The following DNAH8 variants were observed in gnomAD, a reference collection of about 807,000 sequenced individuals.
DNAH8 encodes axonemal beta dynein heavy chain 8.
In DNAH8, 382 loss-of-function variants were observed where a neutral mutation model predicts 562.1. The ratio of observed to expected loss-of-function variants is 0.68; its 90% CI spans 0.63 to 0.74. The LOEUF is 0.74. Ranked by LOEUF, DNAH8 falls within the 30% of genes least tolerant of loss-of-function variation. The pLI is 0.00. For synonymous variants in DNAH8, 1,881 were observed against 1,919.4 expected (o/e 0.98, Z 0.52); for missense variants, 5,203 against 5,620.4 (o/e 0.93, Z 2.37).
chr6:38,729,492 A>G (rs1433971481), intron 3 of DNAH8, among the ~76,000 whole-genome samples: 1 of 152,234 alleles, frequency 6.6e-6, no homozygotes, highest in African/African-American at 2.4e-5. Flanking sequence ...TCAAATTACA[A>G]TAGCTAAAAA....
chr6:38,888,461 G>C (rs887445925), intron 57 of DNAH8, among the ~76,000 whole-genome samples: 2 of 151,958 alleles, frequency 1.3e-5, no homozygotes, highest in Admixed American at 1.3e-4. Flanking sequence ...GCCTCAAAGT[G>C]GAAGAAAAAA....
At chr6:38,967,901 A>G (rs1287254823) in intron 82 of DNAH8, among the ~76,000 whole-genome samples, 2 of 152,320 alleles carry the variant, frequency 1.3e-5, no homozygotes, top group South Asian at 2.1e-4. Context: ...AGTAATTAAA[A>G]CAGTGTGATA....
Position 38,778,124 on chromosome 6 carries a change from T to C in DNAH8, c.1963-264T>C, listed in dbSNP as rs1768242578. Among the ~76,000 whole-genome samples the C allele has an allele frequency of 2.0e-5, 3 of 152,244 alleles. 1 individual carries two copies. The South Asian group carries it at 6.2e-4, about 32-fold the overall frequency. On this transcript the variant is annotated intron_variant, in intron 13 of 92. Coordinates refer to ENST00000327475, the MANE Select transcript of DNAH8 (RefSeq NM_001206927.2). ...ATCTTTAATGAGATATATTGCATTCTCTTTTTTGTACTAAGTCTTTGAAAT... is the reference window on the plus strand; with the variant it reads ...ATCTTTAATGAGATATATTGCATTCCCTTTTTTGTACTAAGTCTTTGAAAT...
intron 10 of DNAH8, among the ~76,000 whole-genome samples, chr6:38,759,359 A>C (rs1443221198): frequency 1.3e-5 from 2 of 152,080 alleles, no homozygotes; most frequent in African/African-American, 2.4e-5. Flanking sequence ...CAACGAAAAA[A>C]CCCACATGAA....
intron 41 of DNAH8, among the ~76,000 whole-genome samples, chr6:38,856,735 C>G (rs1776232188): frequency 6.6e-6 from 1 of 152,150 alleles, no homozygotes; most frequent in South Asian, 2.1e-4. Flanking sequence ...TCTTTCTTTT[C>G]TCACTGTTGA....
intron 10 of DNAH8, among the ~76,000 whole-genome samples, chr6:38,756,683 A>T (rs1020533093): frequency 3.4e-5 from 3 of 86,986 alleles, no homozygotes; most frequent in African/African-American, 1.3e-4. Context: ...CCTCCACCCC[A>T]TGACAGGCCC....
At chr6:38,723,740 G>A (rs141569051) in intron 3 of DNAH8, among the ~76,000 whole-genome samples, 1,546 of 152,156 alleles carry the variant, frequency 0.01, 13 homozygotes, top group South Asian at 0.017. Flanking sequence ...GCTGGGCATG[G>A]TGGTCCGTAC....
Position 38,990,021 on chromosome 6 carries a change from A to G in DNAH8, c.13063A>G (p.Ser4355Gly). Residue 4355 changes from serine (S) to glycine (G), a missense_variant, in exon 88 of 93, where the codon AGT (serine) becomes GGT (glycine). By Grantham distance (56) the Ser-to-Gly change is moderately conservative. Around this residue, in one of 6 missense-constraint regions of DNAH8, gnomAD observed 1,399 missense variants for 1,518.4 expected, o/e 0.92. Transcript: ENST00000327475. ...LLNCFARVWF[S>G]EKMFEPSFCF... ...TTTCTCTCACATACAGGTCTGGTTC[A>G]GTGAGAAGATGTTTGAACCGTCATT... 6.3e-7 allele frequency: 1 copy of G among 1,592,910 alleles called. No homozygotes were observed.
chr6:38,839,110 T>C (rs1239189249), intron 33 of DNAH8, among the ~76,000 whole-genome samples: 1 of 152,206 alleles, frequency 6.6e-6, no homozygotes, highest in Non-Finnish European at 1.5e-5. Flanking sequence ...TGCGGATGTC[T>C]GGCCCTCATT....
At position 38,945,482 on chromosome 6, in the gene DNAH8, A is replaced by G; in HGVS notation, c.12023A>G (p.Asp4008Gly). Residue 4008 changes from aspartate to glycine, a missense_variant, in exon 80 of 93, where the codon GAC (aspartate) becomes GGC (glycine). Around this residue, in one of 6 missense-constraint regions of DNAH8, gnomAD observed 1,399 missense variants for 1,518.4 expected, o/e 0.92. Transcript: ENST00000327475. The part of the protein sequence containing the change: ...QALIKGGAAL[D>G]LKACPPKPYR... ...TCTTCCCCAGGGGGAGCAGCTCTGG[A>G]CCTGAAAGCCTGTCCTCCCAAACCC... 1 of 1,614,132 alleles carries G rather than the reference A, an allele frequency of 6.2e-7. No individual in the cohort carries two copies. Among genetic ancestry groups the G allele is most frequent in the Non-Finnish European group, 8.5e-7 (1 of 1,179,998 alleles).
At chr6:38,962,626 C>T (rs9380812) in intron 82 of DNAH8, among the ~76,000 whole-genome samples, 37,026 of 151,780 alleles carry the variant, frequency 0.24, 5,551 homozygotes, top group Non-Finnish European at 0.34. Flanking sequence ...AATGTTAGGT[C>T]GATTAAGGCA....
intron 87 of DNAH8, among the ~76,000 whole-genome samples, chr6:38,988,321 A>G (rs1256961350): frequency 1.3e-5 from 2 of 152,192 alleles, no homozygotes; most frequent in Non-Finnish European, 1.5e-5. Context: ...AAACTCAGCT[A>G]TTTGTATGTG....
chr6:38,793,827 G>A lies in DNAH8; in HGVS notation c.2901+2153G>A, dbSNP rs371298168. 1.1e-4 allele frequency among the ~76,000 whole-genome samples: 17 copies of A among 151,828 alleles called. No homozygotes were observed. The South Asian group carries it at 3.5e-3, about 32-fold the overall frequency. ...ATTTTACAACATAATTTCACTATCTGAAAAAAATGGGGGAGTCTAATTCTG... is the reference window on the plus strand; with the variant it reads ...ATTTTACAACATAATTTCACTATCTAAAAAAAATGGGGGAGTCTAATTCTG... On this transcript the variant is annotated intron_variant, in intron 21 of 92. Transcript: ENST00000327475.
intron 16 of DNAH8, among the ~76,000 whole-genome samples, chr6:38,782,578 G>A (rs1232795660): frequency 3.3e-5 from 5 of 152,166 alleles, no homozygotes; most frequent in African/African-American, 1.2e-4. Flanking sequence ...TACGGCACCC[G>A]GCCAAGAAAT....
intron 17 of DNAH8, 91 bp downstream of exon 17, chr6:38,783,230 A>G: frequency 8.7e-7 from 1 of 1,147,244 alleles, no homozygotes; most frequent in South Asian, 1.5e-5. Context: ...CATCCCTTCC[A>G]CATAATCTTA....
chr6:38,896,108 TGCA>T lies in DNAH8; in HGVS notation c.8826_8828del (p.Ala2943del). The T allele has an allele frequency of 6.2e-7, 1 of 1,614,168 alleles. No homozygotes were observed. The highest frequency in any genetic ancestry group is 8.5e-7 in the Non-Finnish European group (1 of 1,179,984). On this transcript the variant is annotated inframe_deletion, in exon 60 of 93. Coordinates refer to ENST00000327475, the MANE Select transcript of DNAH8 (RefSeq NM_001206927.2). ...CAGTTGAAGAAAATATTGGCTCTGA[TGCA>T]GCGTCGTGTATTCTTCCTGAACCAT...
intron 82 of DNAH8, among the ~76,000 whole-genome samples, chr6:38,961,176 G>A (rs1762582648): frequency 6.6e-6 from 1 of 151,948 alleles, no homozygotes; most frequent in Non-Finnish European, 1.5e-5. Context: ...CAGAAACTGA[G>A]GGAGGGTAGA....
At chr6:38,810,386 G>GT (rs1366432817) in intron 24 of DNAH8, among the ~76,000 whole-genome samples, 3 of 152,152 alleles carry the variant, frequency 2.0e-5, no homozygotes, top group African/African-American at 7.2e-5. Flanking sequence ...GAGGTCAGGA[G>GT]TTTGAGACCA....
At chr6:38,890,313 G>A (rs1779254754) in intron 57 of DNAH8, among the ~76,000 whole-genome samples, 3 of 152,042 alleles carry the variant, frequency 2.0e-5, no homozygotes, top group South Asian at 4.2e-4. Flanking sequence ...AGGTTGCTTG[G>A]GTTCACATCT....
Sources: allele counts gnomAD v4.1 joint callset (sites outside exome capture counted in the v4.1 genomes callset), GRCh38; gene constraint gnomAD v4.1.1; regional missense constraint gnomAD v4.1.1; transcripts MANE v1.5; gene names NCBI Gene and HGNC (gene_info 2026-07-23, HGNC 2026-07-21).